Variants in BCS1L observed in about 807,000 individuals in gnomAD.
The protein encoded by BCS1L is BCS1 ubiquinol-cytochrome c reductase complex chaperone, also known as mitochondrial chaperone BCS1.
BCS1L carries 38 observed loss-of-function variants against 49.3 expected under a neutral mutation model. The observed-to-expected ratio is 0.77, with a 90% CI of 0.59 to 1.01. BCS1L has a LOEUF of 1.01. Among genes scored for constraint, BCS1L ranks in the 50% least tolerant of loss-of-function variants. The probability of loss-of-function intolerance (pLI) is 0.00; values close to 1 mark genes in which losing one functional copy is unlikely to be tolerated. For missense variants in BCS1L, 394 were observed against 540.2 expected (o/e 0.73, Z 2.68); for synonymous variants, 193 against 210.1 (o/e 0.92, Z 0.70).
chr2:218,659,705 G>C lies in BCS1L; in HGVS notation c.-88G>C, dbSNP rs1354787750. 6.6e-6 allele frequency: 1 copy of C among 152,350 alleles called. No homozygotes were observed. Among genetic ancestry groups the C allele is most frequent in the African/African-American group, 2.4e-5 (1 of 41,414 alleles). 9.4% of individuals were successfully genotyped at this position (152,350 alleles called of 1,614,324 possible). ...CGCAGCTTCCCCAAGGTGCAGGCGC[G>C]GTGAAACCATCGAGACGGAGGGCCA... On this transcript the variant is annotated 5_prime_UTR_variant, in exon 1 of 8. Transcript: ENST00000359273. This position sits in a 1 kb window ranked among gnomAD's most constrained non-coding sequence, Gnocchi z 4.4.
Position 218,662,193 on chromosome 2 carries a change from C to T in BCS1L, c.656-4C>T, listed in dbSNP as rs895806794. ...AGACATGATCATCCTGGCTCTATCC[C>T]TAGGCATTCCTTACAGACGTGGCTA... On this transcript the variant is annotated splice_region_variant and splice_polypyrimidine_tract_variant and intron_variant, in intron 4 of 7. Coordinates refer to ENST00000359273, the MANE Select transcript of BCS1L (RefSeq NM_001079866.2). The surrounding 1 kb of genome is among the most constrained non-coding windows in gnomAD (Gnocchi z 5.8). The T allele has an allele frequency of 3.7e-6, 6 of 1,613,746 alleles. No individual in the cohort carries two copies. The highest frequency in any genetic ancestry group is 5.1e-6 in the Non-Finnish European group (6 of 1,179,766).
rs763971734 is a variant in BCS1L, at chr2:218,663,383, G to A, written c.1257G>A (p.Arg419=). The stretch of plus-strand genomic sequence containing the variant: ...TTCACAATGCTGAGTCTCTGAGGAG[G>A]TGATCAGGCTGGGCTCAGCTCAGCT... ...GAIHNAESLR[R] The change falls in exon 8 of 8, where the codon AGG becomes AGA. Residue 419 remains arginine (R), a synonymous_variant. Coordinates refer to ENST00000359273, the MANE Select transcript of BCS1L (RefSeq NM_001079866.2). The A allele has an allele frequency of 9.9e-6, 16 of 1,614,064 alleles. No homozygotes were observed. In the East Asian group the frequency reaches 3.3e-4, roughly 34 times the overall value.
Position 218,663,382 on chromosome 2 carries a change from G to A in BCS1L, c.1256G>A (p.Arg419Lys). 6.2e-7 allele frequency: 1 copy of A among 1,614,038 alleles called. No individual in the cohort carries two copies. Among genetic ancestry groups the A allele is most frequent in the Non-Finnish European group, 8.5e-7 (1 of 1,180,036 alleles). Residue 419 changes from arginine (R) to lysine (K), a missense_variant, in exon 8 of 8, where the codon AGG (arginine) becomes AAG (lysine). Transcript: ENST00000359273. ...GAIHNAESLR[R>K] ...ATTCACAATGCTGAGTCTCTGAGGAGGTGATCAGGCTGGGCTCAGCTCAGC... is the reference window on the plus strand; with the variant it reads ...ATTCACAATGCTGAGTCTCTGAGGAAGTGATCAGGCTGGGCTCAGCTCAGC...
rs1446673208 is a variant in BCS1L at position 218,662,327 on chromosome 2, G to T, written c.719+67G>T. 1.9e-6 allele frequency: 3 copies of T among 1,538,536 alleles called. No homozygotes were observed. ...TTTGTGGAAACACTAGGCTGATAGG[G>T]TTGGAAGGGGAAATGAATCTGGGGA... On this transcript the variant is annotated intron_variant, in intron 5 of 7. Transcript: ENST00000359273. The surrounding 1 kb of genome is among the most constrained non-coding windows in gnomAD (Gnocchi z 5.8).
chr2:218,661,440 C>T lies in BCS1L; in HGVS notation c.355C>T (p.Arg119Ter), dbSNP rs770749420. ...GAAATGGATTCGGGTAGAACGAAGT[C>T]GAGAGATGCAGATGATAGACTTGCA... is the stretch of plus-strand genomic sequence containing the variant. ...RGKWIRVERS[R>*]EMQMIDLQTG... Residue 119 changes from arginine to a stop codon, truncating the protein, a stop_gained, in exon 3 of 8, where the codon CGA becomes TGA. Coordinates refer to ENST00000359273, the MANE Select transcript of BCS1L (RefSeq NM_001079866.2). LOFTEE classifies it high-confidence loss of function. This position sits in a 1 kb window ranked among gnomAD's most constrained non-coding sequence, Gnocchi z 5.9. 1.4e-5 allele frequency: 22 copies of T among 1,614,122 alleles called. No individual in the cohort carries two copies. In the South Asian group the frequency reaches 1.5e-4, roughly 11 times the overall value.
chr2:218,663,157 C>T lies in BCS1L; in HGVS notation c.1031C>T (p.Pro344Leu), dbSNP rs773582375. The T allele has an allele frequency of 1.4e-5, 23 of 1,614,188 alleles. No homozygotes were observed. The highest frequency in any genetic ancestry group is 2.7e-5 in the African/African-American group (2 of 75,050). The stretch of plus-strand genomic sequence containing the variant: ...AGGCTGGACCCTGCCCTGATACGCC[C>T]GGGGCGAGTGGACCTGAAGGAGTAC... Reference protein sequence around the residue: ...VDRLDPALIRPGRVDLKEYVG... With the variant: ...VDRLDPALIRLGRVDLKEYVG... Residue 344 changes from proline (P) to leucine (L), a missense_variant, in exon 8 of 8, where the codon CCG (proline) becomes CTG (leucine). Pro to Leu is a moderately conservative substitution (Grantham distance 98). Transcript: ENST00000359273.
In BCS1L at chr2:218,661,843, C is replaced by A. The variant is rs1939489553; in HGVS notation, c.545C>A (p.Pro182Gln). 1 of 1,614,076 alleles carries A rather than the reference C, an allele frequency of 6.2e-7. No individual in the cohort carries two copies. Among genetic ancestry groups the A allele is most frequent in the Admixed American group, 1.7e-5 (1 of 60,008 alleles). Residue 182 changes from proline to glutamine, a missense_variant, in exon 4 of 8, where the codon CCA becomes CAA. By Grantham distance (76) the Pro-to-Gln change is moderately conservative. Transcript: ENST00000359273. The surrounding 1 kb of genome is among the most constrained non-coding windows in gnomAD (Gnocchi z 5.9). ...TCTGAATGGCGTCCCTTTGGCTATC[C>A]ACGCCGCCGGCGACCACTGAATTCT... ...VGSEWRPFGY[P>Q]RRRRPLNSVV...
rs1379170596 is a variant in BCS1L at position 218,662,354 on chromosome 2, C to T, written c.719+94C>T. On this transcript the variant is annotated intron_variant, in intron 5 of 7. Transcript: ENST00000359273. This position sits in a 1 kb window ranked among gnomAD's most constrained non-coding sequence, Gnocchi z 5.8. ...TGGAAGGGGAAATGAATCTGGGGAT[C>T]GGGGACCAGGATAAACATGAAACGT... 55 of 1,502,128 alleles carry T rather than the reference C, an allele frequency of 3.7e-5. No homozygotes were observed. The highest frequency in any genetic ancestry group is 1.2e-4 in the Admixed American group (7 of 59,794). The allele number at this position is 1,502,128 out of a possible 1,614,324, so 93.0% of individuals were successfully genotyped here. A position where few individuals can be genotyped will look rare whatever the true frequency, so the allele number is the denominator to read the frequency against.
chr2:218,661,119 G>C lies in BCS1L; in HGVS notation c.132G>C (p.Arg44=). ...KGVQLGLVAF[R]RHYMITLEVP... is the part of the protein sequence containing the mutation. Reference sequence around the variant, plus strand: ...TCCAACTGGGCCTGGTGGCATTCCGGCGCCATTACATGATCACACTGGAAG... The same window carrying C: ...TCCAACTGGGCCTGGTGGCATTCCGCCGCCATTACATGATCACACTGGAAG... Residue 44 remains arginine (R), a synonymous_variant, in exon 2 of 8, where the codon CGG becomes CGC. Transcript: ENST00000359273. This position sits in a 1 kb window ranked among gnomAD's most constrained non-coding sequence, Gnocchi z 5.9. The C allele has an allele frequency of 3.1e-6, 5 of 1,614,188 alleles. No individual in the cohort carries two copies. The highest frequency in any genetic ancestry group is 4.2e-6 in the Non-Finnish European group (5 of 1,180,038).
Position 218,661,572 on chromosome 2 carries a change from T to C in BCS1L, c.460+27T>C. 1 of 1,613,652 alleles carries C rather than the reference T, an allele frequency of 6.2e-7. No individual in the cohort carries two copies. The highest frequency in any genetic ancestry group is 1.1e-5 in the South Asian group (1 of 91,044). The stretch of plus-strand genomic sequence containing the variant: ...TGTGGGATGGCACAGGCAGGCTTTC[T>C]AGGGACATTGCAGGGATGGGGACAT... On this transcript the variant is annotated intron_variant, in intron 3 of 7. Coordinates refer to ENST00000359273, the MANE Select transcript of BCS1L (RefSeq NM_001079866.2). This position sits in a 1 kb window ranked among gnomAD's most constrained non-coding sequence, Gnocchi z 5.9.
Position 218,663,017 on chromosome 2 carries a change from C to T in BCS1L, c.1007+17C>T. On this transcript the variant is annotated intron_variant, in intron 7 of 7. Transcript: ENST00000359273. ...CGTTGACAGGTAGGAAGGAGCCAGG[C>T]ATCCTGAGACTTAGGCAAGAGCCCA... is the stretch of plus-strand genomic sequence containing the variant. The T allele has an allele frequency of 6.2e-7, 1 of 1,613,824 alleles. No individual in the cohort carries two copies. Among genetic ancestry groups the T allele is most frequent in the South Asian group, 1.1e-5 (1 of 91,044 alleles).
intron 1 of BCS1L, chr2:218,660,404 T>TCTCGGTG: frequency 6.2e-6 from 1 of 160,192 alleles, no homozygotes; most frequent in Admixed American, 5.8e-5. Context: ...CTTGTGTAGA[T>TCTCGGTG]GTTCCGTGAA....
At position 218,662,314 on chromosome 2, in the gene BCS1L, C is replaced by G; in HGVS notation, c.719+54C>G. 1.3e-6 allele frequency: 2 copies of G among 1,556,120 alleles called. No individual in the cohort carries two copies. Among genetic ancestry groups the G allele is most frequent in the South Asian group, 2.2e-5 (2 of 89,914 alleles). On this transcript the variant is annotated intron_variant, in intron 5 of 7. Transcript: ENST00000359273. The surrounding 1 kb of genome is among the most constrained non-coding windows in gnomAD (Gnocchi z 5.8). ...GCAAAACGAAGCCTTTGTGGAAACA[C>G]TAGGCTGATAGGGTTGGAAGGGGAA... is the stretch of plus-strand genomic sequence containing the variant.
chr2:218,663,421 C>T lies in BCS1L; in HGVS notation c.*35C>T, dbSNP rs1304422206. The T allele has an allele frequency of 6.2e-7, 1 of 1,612,882 alleles. No homozygotes were observed. On this transcript the variant is annotated 3_prime_UTR_variant, in exon 8 of 8. Transcript: ENST00000359273. ...GCTCAGCTCAGCTCTCCTCCTCTAG[C>T]TCAATAAACATCTGCCACACTACTC...
At chr2:218,660,763 A>G (rs1386582088) in intron 1 of BCS1L, 176 bp from the exon 2 acceptor site, 1 of 576,780 alleles carries the variant, frequency 1.7e-6, no homozygotes, top group Non-Finnish European at 3.1e-6. Context: ...GAGTAGACTA[A>G]TGAAGGACAA....
In BCS1L at chr2:218,662,502, C is replaced by T. The variant is rs762458606; in HGVS notation, c.720-8C>T. 1 of 1,613,628 alleles carries T rather than the reference C, an allele frequency of 6.2e-7. No homozygotes were observed. Among genetic ancestry groups the T allele is most frequent in the South Asian group, 1.1e-5 (1 of 91,050 alleles). Reference sequence around the variant, plus strand: ...GCCTGCTACCTCCTGCCATCCCATGCTCCATAGCACAGCCCTGGCTGGGGA... The same window carrying T: ...GCCTGCTACCTCCTGCCATCCCATGTTCCATAGCACAGCCCTGGCTGGGGA... On this transcript the variant is annotated splice_polypyrimidine_tract_variant and splice_region_variant and intron_variant, in intron 5 of 7. Coordinates refer to ENST00000359273, the MANE Select transcript of BCS1L (RefSeq NM_001079866.2). The surrounding 1 kb of genome is among the most constrained non-coding windows in gnomAD (Gnocchi z 5.8).
At position 218,661,940 on chromosome 2, in the gene BCS1L, G is replaced by A. The variant is rs754414954; in HGVS notation, c.642G>A (p.Trp214Ter). ...AGGAATTCATCGATAACCCCAAGTG[G>A]TACACTGACAGAGGTGAGAAGCAGC... ...DVQEFIDNPK[W>*]YTDRGIPYRR... Residue 214 changes from tryptophan (W) to a stop codon, truncating the protein, a stop_gained, in exon 4 of 8, where the codon TGG becomes TGA. Transcript: ENST00000359273. LOFTEE classifies it high-confidence loss of function. The surrounding 1 kb of genome is among the most constrained non-coding windows in gnomAD (Gnocchi z 5.9). The A allele has an allele frequency of 2.5e-6, 4 of 1,613,940 alleles. No homozygotes were observed. The African/African-American group carries it at 4.0e-5, about 16-fold the overall frequency.
intron 1 of BCS1L, chr2:218,660,408 C>CG: frequency 6.5e-6 from 1 of 153,748 alleles, no homozygotes; most frequent in Admixed American, 6.4e-5. Flanking sequence ...TGTAGATGTT[C>CG]CGTGAAGCAG....
rs1358684251 is a variant in BCS1L, at chr2:218,661,968, G to T, written c.655+15G>T. 1.9e-6 allele frequency: 3 copies of T among 1,613,300 alleles called. No individual in the cohort carries two copies. In the African/African-American group the frequency reaches 4.0e-5, roughly 22 times the overall value. On this transcript the variant is annotated intron_variant, in intron 4 of 7. Transcript: ENST00000359273. This position sits in a 1 kb window ranked among gnomAD's most constrained non-coding sequence, Gnocchi z 5.9. ...CACTGACAGAGGTGAGAAGCAGCTG[G>T]GGTCTTGGCTGTGCTGTTTTTGACA...
Sources: allele counts gnomAD v4.1 joint callset, GRCh38; gene constraint gnomAD v4.1.1; non-coding constraint Gnocchi (gnomAD v3.1); transcripts MANE v1.5; gene names NCBI Gene and HGNC (gene_info 2026-07-23, HGNC 2026-07-21).